The following ZNF385D variants were observed in gnomAD, a reference collection of about 807,000 sequenced individuals.
ZNF385D encodes the protein zinc finger protein 659.
Under a neutral mutation model 35.8 loss-of-function variants are expected in ZNF385D, and 15 were observed. The ratio of observed to expected loss-of-function variants is 0.42; its 90% CI spans 0.28 to 0.64. The LOEUF is 0.64. Ranked by LOEUF, ZNF385D falls within the 30% of genes least tolerant of loss-of-function variation. ZNF385D has a pLI of 0.23. For synonymous variants in ZNF385D, 212 were observed against 186.8 expected (o/e 1.13, Z -1.10); for missense variants, 474 against 494.6 (o/e 0.96, Z 0.39).
At chr3:21,489,095 C>G (rs561159279) in intron 4 of ZNF385D, among the ~76,000 whole-genome samples, 1 of 152,060 alleles carries the variant, frequency 6.6e-6, no homozygotes, top group African/African-American at 2.4e-5. Context: ...TGTTAAAATG[C>G]TGCTAAATAA....
chr3:22,117,128 T>G (rs995792251), intron 3 of ZNF385D, among the ~76,000 whole-genome samples: 6 of 152,036 alleles, frequency 3.9e-5, no homozygotes, highest in Non-Finnish European at 7.4e-5. Flanking sequence ...AGGCTTTATG[T>G]CATGGTATCT....
chr3:22,341,985 A>T (rs1219808965), intron 2 of ZNF385D, among the ~76,000 whole-genome samples: 5 of 152,148 alleles, frequency 3.3e-5, no homozygotes, highest in Non-Finnish European at 7.4e-5. Context: ...GAATTAAAAG[A>T]CTGAATGAGG....
At chr3:21,981,590 G>C (rs1694454827) in intron 3 of ZNF385D, among the ~76,000 whole-genome samples, 1 of 152,012 alleles carries the variant, frequency 6.6e-6, no homozygotes, top group African/African-American at 2.4e-5. Context: ...TTCAACTTTT[G>C]CTTTTGTTGC....
chr3:21,459,192 T>A (rs1489904554), intron 4 of ZNF385D: 1 of 152,120 alleles, frequency 6.6e-6, no homozygotes, highest in Non-Finnish European at 1.5e-5. Context: ...CTGTTGAGAG[T>A]GTGAGCCTTT....
intron 3 of ZNF385D, among the ~76,000 whole-genome samples, chr3:21,971,949 G>A (rs1394991788): frequency 6.6e-6 from 1 of 151,898 alleles, no homozygotes; most frequent in African/African-American, 2.4e-5. Context: ...GGGACACCCA[G>A]ATATATAAAG....
intron 2 of ZNF385D, among the ~76,000 whole-genome samples, chr3:21,569,857 A>G (rs746294801): frequency 1.4e-5 from 2 of 140,618 alleles, no homozygotes; most frequent in African/African-American, 2.6e-5. Flanking sequence ...GAATTGAACA[A>G]TGAGAACACA....
chr3:21,664,887 G>A lies in ZNF385D; in HGVS notation c.164C>T (p.Ala55Val), dbSNP rs770545519. The A allele has an allele frequency of 4.0e-5, 65 of 1,613,414 alleles. No homozygotes were observed. The highest frequency in any genetic ancestry group is 4.8e-5 in the Non-Finnish European group (57 of 1,179,640). The change falls in exon 2 of 8, where the codon GCG becomes GTG. Residue 55 changes from alanine to valine, a missense_variant and splice_region_variant. Ala to Val is a moderately conservative substitution (Grantham distance 64). Coordinates refer to ENST00000281523, the MANE Select transcript of ZNF385D (RefSeq NM_024697.3). ...AAVNLFPNFN[A>V]MDPIQKAVIN... ...AAGACAAATTTGGCAGGTACTTACC[G>A]CATTGAAATTGGGGAAGAGGTTGAC...
intron 3 of ZNF385D, among the ~76,000 whole-genome samples, chr3:21,986,285 G>C (rs1479718958): frequency 6.5e-5 from 5 of 76,680 alleles, no homozygotes; most frequent in Non-Finnish European, 1.2e-4. Context: ...GATCTTTCCT[G>C]CTTTCTCTTG....
chr3:21,469,796 G>A (rs571831469), intron 4 of ZNF385D, among the ~76,000 whole-genome samples: 6 of 151,972 alleles, frequency 3.9e-5, no homozygotes, highest in South Asian at 4.2e-4. Context: ...GGAACTAACA[G>A]TATTTAAACA....
intron 3 of ZNF385D, among the ~76,000 whole-genome samples, chr3:22,033,890 C>A (rs1166100053): frequency 6.6e-6 from 1 of 152,120 alleles, no homozygotes; most frequent in Non-Finnish European, 1.5e-5. Flanking sequence ...GTTACCAATT[C>A]ATCCTACTTC....
intron 4 of ZNF385D, among the ~76,000 whole-genome samples, chr3:21,448,653 A>G (rs424695): frequency 0.66 from 100,129 of 151,964 alleles, 33,254 homozygotes; most frequent in African/African-American, 0.72. Flanking sequence ...AACTGTTTGG[A>G]AAATAATACG....
At chr3:22,224,526 A>T (rs1311367846) in intron 2 of ZNF385D, among the ~76,000 whole-genome samples, 1 of 152,186 alleles carries the variant, frequency 6.6e-6, no homozygotes, top group Non-Finnish European at 1.5e-5. Context: ...AGTGTATATT[A>T]AACAAAACTG....
At chr3:22,143,618 T>C (rs1011410333) in intron 3 of ZNF385D, among the ~76,000 whole-genome samples, 3 of 152,180 alleles carry the variant, frequency 2.0e-5, no homozygotes, top group Non-Finnish European at 4.4e-5. Context: ...CCTTTAAATA[T>C]TCCTATATTG....
chr3:21,914,486 T>A (rs1345892258), intron 3 of ZNF385D, among the ~76,000 whole-genome samples: 2 of 151,812 alleles, frequency 1.3e-5, no homozygotes, highest in African/African-American at 4.8e-5. Context: ...TACCAAAAGA[T>A]CATATCAATG....
At chr3:21,557,852 G>GA (rs2062795610) in intron 3 of ZNF385D, among the ~76,000 whole-genome samples, 1 of 150,600 alleles carries the variant, frequency 6.6e-6, no homozygotes, top group African/African-American at 2.4e-5. Context: ...TTGTTATTGG[G>GA]ATTTGACTTC....
intron 3 of ZNF385D, among the ~76,000 whole-genome samples, chr3:22,104,024 A>G (rs1052971946): frequency 3.3e-5 from 5 of 152,298 alleles, no homozygotes; most frequent in Admixed American, 1.3e-4. Context: ...CAATATATAA[A>G]AATCACATTA....
chr3:22,366,699 C>A (rs1367540761), intron 2 of ZNF385D, among the ~76,000 whole-genome samples: 2 of 152,104 alleles, frequency 1.3e-5, no homozygotes, highest in Non-Finnish European at 2.9e-5. Context: ...AGTTCGTAAT[C>A]CTTAGAACCT....
intron 2 of ZNF385D, among the ~76,000 whole-genome samples, chr3:22,326,374 G>A (rs140159592): frequency 7.7e-4 from 117 of 152,298 alleles, no homozygotes; most frequent in African/African-American, 2.7e-3. Flanking sequence ...AGGAAACACT[G>A]TCAAAGAAGC....
intron 2 of ZNF385D, among the ~76,000 whole-genome samples, chr3:21,592,608 T>C (rs1345402112): frequency 6.6e-6 from 1 of 151,636 alleles, no homozygotes; most frequent in Non-Finnish European, 1.5e-5. Flanking sequence ...TTTCTGCTCT[T>C]TGAAAAAGAG....
Sources: allele counts gnomAD v4.1 joint callset (sites outside exome capture counted in the v4.1 genomes callset), GRCh38; gene constraint gnomAD v4.1.1; transcripts MANE v1.5; gene names NCBI Gene and HGNC (gene_info 2026-07-23, HGNC 2026-07-21).